Variants in SEC14L1 observed in about 807,000 individuals in gnomAD.
SEC14L1 encodes the protein SEC14 like lipid binding 1.
Under a neutral mutation model 85.3 loss-of-function variants are expected in SEC14L1, and 48 were observed. The ratio of observed to expected loss-of-function variants is 0.56; its 90% confidence interval spans 0.45 to 0.72. SEC14L1 has a LOEUF of 0.72. Among genes scored for constraint, SEC14L1 ranks in the 30% least tolerant of loss-of-function variants. The pLI, the probability that SEC14L1 is intolerant of heterozygous loss-of-function variation, is 0.00. For synonymous variants in SEC14L1, 391 were observed against 355.5 expected, an observed-to-expected ratio of 1.10 and a Z score of -1.12; for missense variants, 682 against 921.4, an observed-to-expected ratio of 0.74 and a Z score of 3.36.
At chr17:77,122,438 A>G (rs1430726054) in intron 3 of SEC14L1, among the ~76,000 whole-genome samples, 1 of 151,958 alleles carries the variant, frequency 6.6e-6, no homozygotes, top group Admixed American at 6.6e-5. Context: ...AGTAGCTGGG[A>G]CTACAGGTGT....
At chr17:77,148,546 C>G (rs1052701391) in intron 3 of SEC14L1, among the ~76,000 whole-genome samples, 18 of 152,204 alleles carry the variant, frequency 1.2e-4, no homozygotes, top group African/African-American at 4.3e-4. Flanking sequence ...TTTCACTGTG[C>G]CCTAGGAGTG....
Position 77,213,335 on chromosome 17 carries a change from C to T in SEC14L1, c.1885C>T (p.Pro629Ser). 6.2e-7 allele frequency: 1 copy of T among 1,611,322 alleles called. No individual in the cohort carries two copies. The highest frequency in any genetic ancestry group is 2.2e-5 in the East Asian group (1 of 44,872). ...CTAGGGTTCCCATGTGACCAGGTGGCCGGGCTTCTACATCCTGCAGTGGAA... is the reference window on the plus strand; with the variant it reads ...CTAGGGTTCCCATGTGACCAGGTGGTCGGGCTTCTACATCCTGCAGTGGAA... ...SVQGSHVTRW[P>S]GFYILQWKFH... is the part of the protein sequence containing the mutation. The change falls in exon 16 of 17, where the codon CCG becomes TCG. Residue 629 changes from proline (P) to serine (S), a missense_variant. Transcript: ENST00000436233. The surrounding 1 kb of genome is among the most constrained non-coding windows in gnomAD (Gnocchi z 7.1).
intron 3 of SEC14L1, among the ~76,000 whole-genome samples, chr17:77,123,351 T>A (rs1972350908): frequency 6.6e-6 from 1 of 151,078 alleles, no homozygotes; most frequent in South Asian, 2.1e-4. Flanking sequence ...GCCCAGCTGG[T>A]GTCTCCTTTT....
chr17:77,145,826 C>T (rs764618380), intron 3 of SEC14L1, among the ~76,000 whole-genome samples: 4 of 152,182 alleles, frequency 2.6e-5, no homozygotes, highest in Non-Finnish European at 5.9e-5. Context: ...GGATTTTGCC[C>T]TGTGGGACTG....
intron 3 of SEC14L1, among the ~76,000 whole-genome samples, chr17:77,165,611 A>G (rs1389108299): frequency 6.6e-6 from 1 of 152,096 alleles, no homozygotes; most frequent in Non-Finnish European, 1.5e-5. Flanking sequence ...TTTTCCTTTC[A>G]CAATTTATAT....
intron 3 of SEC14L1, among the ~76,000 whole-genome samples, chr17:77,148,522 C>T (rs12941872): frequency 0.36 from 54,239 of 152,006 alleles, 9,919 homozygotes; most frequent in South Asian, 0.42. Context: ...CTCCTTTCCT[C>T]GCCCTCATCC....
Position 77,213,921 on chromosome 17 carries a change from T to C in SEC14L1, c.2046T>C (p.Gly682=). The C allele has an allele frequency of 6.2e-7, 1 of 1,612,872 alleles. No individual in the cohort carries two copies. The highest frequency in any genetic ancestry group is 8.5e-7 in the Non-Finnish European group (1 of 1,179,600). Residue 682 remains glycine, a synonymous_variant, in exon 17 of 17, where the codon GGT becomes GGC. Coordinates refer to ENST00000436233, the MANE Select transcript of SEC14L1 (RefSeq NM_001143998.2). The surrounding 1 kb of genome is among the most constrained non-coding windows in gnomAD (Gnocchi z 7.1). ...GCCCCTCCCTGTGCCATTACAGAGG[T>C]TCCATGACGAGCCTGGAGTCCAGCC... ...TEVIGSEDFR[G]SMTSLESSHS...
chr17:77,169,902 T>C (rs1974451983), intron 3 of SEC14L1, among the ~76,000 whole-genome samples: 1 of 152,148 alleles, frequency 6.6e-6, no homozygotes, highest in Non-Finnish European at 1.5e-5. Context: ...AATGTAAGGC[T>C]TTAGATAGGT....
intron 3 of SEC14L1, among the ~76,000 whole-genome samples, chr17:77,187,112 A>ATTT (rs1413994431): frequency 6.6e-6 from 1 of 152,166 alleles, no homozygotes; most frequent in African/African-American, 2.4e-5. Flanking sequence ...AGATCTGTGG[A>ATTT]TTTGAGATGC....
At chr17:77,202,275 C>G (rs1378959091) in intron 9 of SEC14L1, among the ~76,000 whole-genome samples, 1 of 152,008 alleles carries the variant, frequency 6.6e-6, no homozygotes, top group Non-Finnish European at 1.5e-5. Flanking sequence ...GGCTTGGACC[C>G]AGGACTTCAA....
At chr17:77,189,924 G>A (rs909466743) in intron 3 of SEC14L1, among the ~76,000 whole-genome samples, 1 of 152,140 alleles carries the variant, frequency 6.6e-6, no homozygotes, top group African/African-American at 2.4e-5. Flanking sequence ...CACCGCGCCC[G>A]GCCTTAACAG....
intron 3 of SEC14L1, among the ~76,000 whole-genome samples, chr17:77,117,422 G>A (rs779828207): frequency 1.3e-5 from 2 of 152,202 alleles, no homozygotes; most frequent in South Asian, 4.1e-4. Context: ...TGGGGTGCAC[G>A]TAGAAACCCA....
At chr17:77,126,617 C>T (rs373834021) in intron 3 of SEC14L1, among the ~76,000 whole-genome samples, 26 of 152,158 alleles carry the variant, frequency 1.7e-4, no homozygotes, top group Non-Finnish European at 3.2e-4. Context: ...TCTGTGTGCC[C>T]GAGTGTGCCA....
chr17:77,107,194 C>T (rs1004728101), intron 3 of SEC14L1, among the ~76,000 whole-genome samples: 9 of 152,168 alleles, frequency 5.9e-5, no homozygotes, highest in African/African-American at 2.2e-4. Context: ...AACAAAAACT[C>T]ACTTCCACTT....
intron 3 of SEC14L1, among the ~76,000 whole-genome samples, chr17:77,117,736 C>T (rs866352155): frequency 6.6e-6 from 1 of 152,162 alleles, no homozygotes; most frequent in Admixed American, 6.5e-5. Flanking sequence ...AAAGGGGCTT[C>T]GTTTGGGGAC....
intron 3 of SEC14L1, among the ~76,000 whole-genome samples, chr17:77,129,074 G>A (rs1444331969): frequency 2.6e-5 from 4 of 152,210 alleles, no homozygotes; most frequent in African/African-American, 4.8e-5. Flanking sequence ...AAATATAGAC[G>A]ATGTTGCTGG....
intron 3 of SEC14L1, among the ~76,000 whole-genome samples, chr17:77,148,189 G>T (rs1227479126): frequency 2.6e-5 from 4 of 152,114 alleles, no homozygotes; most frequent in Non-Finnish European, 5.9e-5. Flanking sequence ...GAAGGAGGCG[G>T]GAGGCCACCT....
chr17:77,178,683 G>A (rs944073002), intron 3 of SEC14L1, among the ~76,000 whole-genome samples: 4 of 152,166 alleles, frequency 2.6e-5, no homozygotes, highest in East Asian at 3.8e-4. Flanking sequence ...CTTACAGAGC[G>A]TGCAGCCTCA....
chr17:77,146,028 T>C (rs746489756), intron 3 of SEC14L1, among the ~76,000 whole-genome samples: 11 of 152,222 alleles, frequency 7.2e-5, no homozygotes, highest in Non-Finnish European at 1.3e-4. Context: ...TCACATTTCA[T>C]AGTTCACATC....
Sources: allele counts gnomAD v4.1 joint callset (sites outside exome capture counted in the v4.1 genomes callset), GRCh38; gene constraint gnomAD v4.1.1; non-coding constraint Gnocchi (gnomAD v3.1); transcripts MANE v1.5; gene names NCBI Gene and HGNC (gene_info 2026-07-23, HGNC 2026-07-21).